Variants in SNX3 observed in about 807,000 individuals in gnomAD.
SNX3 encodes the protein sorting nexin-3.
Under a neutral mutation model 17.7 loss-of-function variants are expected in SNX3, and 5 were observed. The observed-to-expected ratio is 0.28, with a 90% CI of 0.15 to 0.59. The LOEUF is 0.59. Among genes scored for constraint, SNX3 ranks in the 20% least tolerant of loss-of-function variants. The pLI, the probability that SNX3 is intolerant of heterozygous loss-of-function variation, is 0.88. For missense variants in SNX3, 132 were observed against 206.8 expected (o/e 0.64, Z 2.22); for synonymous variants, 91 against 76.5 (o/e 1.19, Z -0.99).
chr6:108,228,249 TA>T (rs1199103326), intron 1 of SNX3, among the ~76,000 whole-genome samples: 3 of 151,816 alleles, frequency 2.0e-5, no homozygotes, highest in Non-Finnish European at 4.4e-5. Context: ...CTACAAAAAA[TA>T]AAAAATTAGC....
At chr6:108,222,597 T>C (rs1378178086) in intron 2 of SNX3, among the ~76,000 whole-genome samples, 1 of 151,588 alleles carries the variant, frequency 6.6e-6, no homozygotes, top group African/African-American at 2.4e-5. Context: ...AAATTGGAAA[T>C]ACACTGACAT....
intron 1 of SNX3, among the ~76,000 whole-genome samples, chr6:108,234,828 G>T (rs1327791999): frequency 6.6e-6 from 1 of 152,132 alleles, no homozygotes; most frequent in Non-Finnish European, 1.5e-5. Context: ...AGAAAATCTG[G>T]CTTTAATCTG....
chr6:108,248,304 G>A (rs1775751695), intron 1 of SNX3, among the ~76,000 whole-genome samples: 1 of 152,132 alleles, frequency 6.6e-6, no homozygotes, highest in Admixed American at 6.5e-5. Context: ...TTTTAAACAA[G>A]CATCTAGCAA....
At chr6:108,237,514 G>A (rs554369305) in intron 1 of SNX3, among the ~76,000 whole-genome samples, 89 of 152,132 alleles carry the variant, frequency 5.9e-4, no homozygotes, top group Non-Finnish European at 6.8e-4. Flanking sequence ...GGCCAGGTGC[G>A]GTGGCTCACG....
At chr6:108,218,741 G>T (rs1301683852) in intron 2 of SNX3, among the ~76,000 whole-genome samples, 1 of 152,256 alleles carries the variant, frequency 6.6e-6, no homozygotes, top group Non-Finnish European at 1.5e-5. Context: ...CATGTTAAGT[G>T]AAAGAAGCCA....
intron 1 of SNX3, among the ~76,000 whole-genome samples, chr6:108,230,565 G>A (rs1775114485): frequency 6.6e-6 from 1 of 152,270 alleles, no homozygotes; most frequent in South Asian, 2.1e-4. Flanking sequence ...TCATCTATTT[G>A]TATAGGTATA....
chr6:108,238,993 T>TAG (rs1350823338), intron 1 of SNX3, among the ~76,000 whole-genome samples: 2 of 151,516 alleles, frequency 1.3e-5, no homozygotes, highest in African/African-American at 4.8e-5. Context: ...CTCCACCTCC[T>TAG]AGGTTCAAGC....
At chr6:108,254,479 G>C (rs989589526) in intron 1 of SNX3, among the ~76,000 whole-genome samples, 1 of 151,978 alleles carries the variant, frequency 6.6e-6, no homozygotes, top group Non-Finnish European at 1.5e-5. Context: ...ACAAAAGTAC[G>C]GGCTCTGAAG....
intron 1 of SNX3, among the ~76,000 whole-genome samples, chr6:108,244,791 C>T (rs1775634175): frequency 6.6e-6 from 1 of 151,644 alleles, no homozygotes; most frequent in Admixed American, 6.6e-5. Context: ...AGGCATGCAC[C>T]ACCATGCCCA....
chr6:108,232,989 G>A (rs570476967), intron 1 of SNX3, among the ~76,000 whole-genome samples: 2 of 152,274 alleles, frequency 1.3e-5, no homozygotes, highest in South Asian at 2.1e-4. Context: ...CTAAGCCAAC[G>A]TATTTAGTTT....
intron 1 of SNX3, among the ~76,000 whole-genome samples, chr6:108,251,159 C>T (rs1775845243): frequency 6.6e-6 from 1 of 152,094 alleles, no homozygotes; most frequent in South Asian, 2.1e-4. Flanking sequence ...TGTCTTCATG[C>T]TTGCCTTTTT....
chr6:108,212,486 T>A (rs1245451809), intron 3 of SNX3, among the ~76,000 whole-genome samples: 1 of 151,910 alleles, frequency 6.6e-6, no homozygotes, highest in Non-Finnish European at 1.5e-5. Flanking sequence ...TACAGGCGTG[T>A]GCCATCATGC....
chr6:108,243,074 A>T (rs1177832250), intron 1 of SNX3, among the ~76,000 whole-genome samples: 1 of 152,196 alleles, frequency 6.6e-6, no homozygotes, highest in Non-Finnish European at 1.5e-5. Context: ...AAAATAATTT[A>T]AAACTCCATT....
At chr6:108,243,234 T>C (rs1775574002) in intron 1 of SNX3, among the ~76,000 whole-genome samples, 2 of 152,138 alleles carry the variant, frequency 1.3e-5, no homozygotes, top group Admixed American at 6.6e-5. Flanking sequence ...GCCTCCTGTG[T>C]AGATGAGACT....
intron 2 of SNX3, chr6:108,222,278 T>C (rs749432481): frequency 2.3e-6 from 3 of 1,304,254 alleles, no homozygotes; most frequent in Non-Finnish European, 3.0e-6. Flanking sequence ...GCACACCACG[T>C]CCTTCCATGA....
chr6:108,247,720 T>C (rs1422824190), intron 1 of SNX3, among the ~76,000 whole-genome samples: 1 of 151,986 alleles, frequency 6.6e-6, no homozygotes, highest in African/African-American at 2.4e-5. Flanking sequence ...TAATTACAGT[T>C]TGTAAGAAAA....
At chr6:108,222,418 G>A (rs1246897302) in intron 2 of SNX3, 22 of 1,189,898 alleles carry the variant, frequency 1.8e-5, no homozygotes, top group Non-Finnish European at 2.3e-5. Context: ...ATGTAACAGT[G>A]TTTTTAAATT....
intron 1 of SNX3, chr6:108,252,083 A>AAAAC (rs1361973933): frequency 7.1e-6 from 1 of 140,114 alleles, no homozygotes; most frequent in Non-Finnish European, 1.5e-5. Flanking sequence ...ATAAATAAAT[A>AAAAC]AAACAAACAA....
chr6:108,219,073 C>T (rs376052669), intron 2 of SNX3, among the ~76,000 whole-genome samples: 3 of 152,158 alleles, frequency 2.0e-5, no homozygotes, highest in African/African-American at 7.2e-5. Context: ...CAAAAGCGGT[C>T]GGGCGGGGTG....
Sources: allele counts gnomAD v4.1 joint callset (sites outside exome capture counted in the v4.1 genomes callset), GRCh38; gene constraint gnomAD v4.1.1; transcripts MANE v1.5; gene names NCBI Gene and HGNC (gene_info 2026-07-23, HGNC 2026-07-21).